The following FER variants were observed in gnomAD, a reference collection of about 807,000 sequenced individuals.
FER encodes the protein FER tyrosine kinase.
In FER, 63 loss-of-function variants were observed where a neutral mutation model predicts 111.0. The observed-to-expected ratio is 0.57, with a 90% confidence interval of 0.46 to 0.70. The LOEUF (loss-of-function observed/expected upper bound fraction) is 0.70. Ranked by LOEUF, FER falls within the 30% of genes least tolerant of loss-of-function variation. The pLI, the probability that FER is intolerant of heterozygous loss-of-function variation, is 0.00. For synonymous variants in FER, 327 were observed against 313.9 expected (o/e 1.04, Z -0.44); for missense variants, 914 against 954.0 (o/e 0.96, Z 0.55).
At chr5:108,822,718 ATTTT>A (rs1561469785) in intron 3 of FER, among the ~76,000 whole-genome samples, 1 of 121,394 alleles carries the variant, frequency 8.2e-6, no homozygotes, top group Non-Finnish European at 1.7e-5. Flanking sequence ...TATTTATTTT[ATTTT>A]ATTTTATTTT....
chr5:108,874,049 C>A (rs549084594), intron 8 of FER, among the ~76,000 whole-genome samples: 2 of 152,246 alleles, frequency 1.3e-5, no homozygotes, highest in East Asian at 3.9e-4. Context: ...AAATAACTTA[C>A]TAATTTATTC....
At chr5:109,081,121 A>G (rs532707435) in intron 16 of FER, among the ~76,000 whole-genome samples, 2 of 152,194 alleles carry the variant, frequency 1.3e-5, no homozygotes, top group East Asian at 1.9e-4. Flanking sequence ...TATGTAATCA[A>G]TGAAATCCAG....
intron 3 of FER, among the ~76,000 whole-genome samples, chr5:108,816,391 C>CCCTTTACAGAATT (rs1232014631): frequency 1.3e-4 from 20 of 152,304 alleles, no homozygotes; most frequent in African/African-American, 4.8e-4. Context: ...GAATAACTCT[C>CCCTTTACAGAATT]CCCTTTACAG....
chr5:109,137,828 C>T (rs962963666), intron 17 of FER, among the ~76,000 whole-genome samples: 1 of 152,208 alleles, frequency 6.6e-6, no homozygotes, highest in African/African-American at 2.4e-5. Context: ...CCACTCCAAT[C>T]TTCAGAGCTT....
At chr5:108,982,691 C>A (rs961329070) in intron 13 of FER, among the ~76,000 whole-genome samples, 2 of 151,974 alleles carry the variant, frequency 1.3e-5, no homozygotes, top group Non-Finnish European at 2.9e-5. Flanking sequence ...AATTATAATT[C>A]TTAAACCTAT....
At chr5:109,152,814 T>G (rs2126697790) in intron 17 of FER, among the ~76,000 whole-genome samples, 1 of 152,090 alleles carries the variant, frequency 6.6e-6, no homozygotes, top group South Asian at 2.1e-4. Context: ...TGTAGTTTTA[T>G]GCACTACCTA....
chr5:108,810,490 T>C (rs1403751450), intron 3 of FER, among the ~76,000 whole-genome samples: 1 of 152,114 alleles, frequency 6.6e-6, no homozygotes, highest in South Asian at 2.1e-4. Flanking sequence ...TGAGGGAGAA[T>C]CCAATGGGTG....
chr5:108,847,120 A>G (rs1255135886), intron 5 of FER, among the ~76,000 whole-genome samples: 1 of 150,374 alleles, frequency 6.7e-6, no homozygotes, highest in Non-Finnish European at 1.5e-5. Context: ...CTTCTTTTCA[A>G]ATGCAAGCAT....
chr5:108,878,217 C>T (rs998390189), intron 8 of FER, among the ~76,000 whole-genome samples: 7 of 151,964 alleles, frequency 4.6e-5, no homozygotes, highest in Non-Finnish European at 1.0e-4. Flanking sequence ...TCCTTTGTAT[C>T]GTTTAATACA....
rs528359478 is a variant in FER at position 109,195,456 on chromosome 5, T to A, written c.*7881T>A. 8 of 152,302 alleles carry A rather than the reference T, an allele frequency of 5.3e-5. No homozygotes were observed. The East Asian group carries it at 1.3e-3, about 26-fold the overall frequency. 9.4% of individuals were successfully genotyped at this position (152,302 alleles called of 1,614,324 possible). A position where few individuals can be genotyped will look rare whatever the true frequency, so the allele number is the denominator to read the frequency against. On this transcript the variant is annotated 3_prime_UTR_variant, in exon 20 of 20. Coordinates refer to ENST00000281092, the MANE Select transcript of FER (RefSeq NM_005246.4). ...ATTTTTGGCTTTAGTGTCAAAGAGA[T>A]TGGTTCTACAAGGTTCATCTGATTT...
chr5:109,057,783 GA>G (rs1415152395), intron 16 of FER, among the ~76,000 whole-genome samples: 7 of 152,148 alleles, frequency 4.6e-5, no homozygotes, highest in Admixed American at 6.5e-5. Context: ...CTTTTCTGGT[GA>G]ATTATACCAA....
chr5:109,043,748 G>A (rs1292463634), intron 14 of FER, among the ~76,000 whole-genome samples: 2 of 152,092 alleles, frequency 1.3e-5, no homozygotes, highest in African/African-American at 2.4e-5. Context: ...CAAGGCAGGC[G>A]GATCACGAGG....
rs569840360 is a variant in FER at position 108,848,125 on chromosome 5, C to T, written c.481+12318C>T. Among the ~76,000 whole-genome samples the T allele has an allele frequency of 2.6e-5, 4 of 152,280 alleles. No homozygotes were observed. The South Asian group carries it at 8.3e-4, about 32-fold the overall frequency. On this transcript the variant is annotated intron_variant, in intron 5 of 19. Transcript: ENST00000281092. ...AAACCCCTGAGCTCAAGTTATCTGC[C>T]TCCCTGGGCCTCCCAAAGTGTTGAG...
intron 13 of FER, among the ~76,000 whole-genome samples, chr5:108,986,142 A>G (rs1762547979): frequency 6.6e-6 from 1 of 151,980 alleles, no homozygotes; most frequent in African/African-American, 2.4e-5. Context: ...TGTAGGAGTA[A>G]GGTGGTATCA....
chr5:108,867,334 T>C (rs1257134393), intron 5 of FER, among the ~76,000 whole-genome samples: 1 of 152,142 alleles, frequency 6.6e-6, no homozygotes, highest in Non-Finnish European at 1.5e-5. Flanking sequence ...TTAAGGTTTG[T>C]CTTCTCCACA....
chr5:109,039,273 G>T (rs972113693), intron 14 of FER, among the ~76,000 whole-genome samples: 15 of 151,806 alleles, frequency 9.9e-5, no homozygotes, highest in African/African-American at 3.4e-4. Flanking sequence ...TACAGTATCA[G>T]ATGCAGCTAT....
intron 3 of FER, among the ~76,000 whole-genome samples, chr5:108,799,165 A>G (rs1756363349): frequency 6.6e-6 from 1 of 152,228 alleles, no homozygotes. Flanking sequence ...CATCCATTAG[A>G]TGAATAATGT....
chr5:108,829,164 T>A (rs1759782262), intron 3 of FER, among the ~76,000 whole-genome samples: 1 of 152,240 alleles, frequency 6.6e-6, no homozygotes, highest in Admixed American at 6.5e-5. Flanking sequence ...ACCCAGCTAA[T>A]TCAAGGAATT....
intron 17 of FER, among the ~76,000 whole-genome samples, chr5:109,125,762 G>A (rs1329620216): frequency 6.6e-6 from 1 of 152,142 alleles, no homozygotes. Flanking sequence ...ATATTCCCAA[G>A]TGTTTTATTT....
Sources: gnomAD v4.1 joint callset for allele counts (sites outside exome capture counted in the v4.1 genomes callset) on GRCh38, gnomAD v4.1.1 for gene constraint, MANE v1.5 for transcripts, NCBI Gene and HGNC (gene_info 2026-07-23, HGNC 2026-07-21) for gene names.